NKAIN2: variants seen among roughly 807,000 people sequenced by gnomAD.
NKAIN2 encodes sodium/potassium-transporting ATPase subunit beta-1-interacting protein 2.
A neutral mutation model predicts 32.6 loss-of-function variants in NKAIN2; 14 were observed. The ratio of observed to expected loss-of-function variants is 0.43; its 90% CI spans 0.28 to 0.67. The LOEUF is 0.67. Among genes scored for constraint, NKAIN2 ranks in the 30% least tolerant of loss-of-function variants. NKAIN2 has a pLI of 0.17. For missense variants in NKAIN2, 198 were observed against 258.3 expected (o/e 0.77, Z 1.60); for synonymous variants, 80 against 87.2 (o/e 0.92, Z 0.46).
intron 4 of NKAIN2, among the ~76,000 whole-genome samples, chr6:124,742,385 T>C (rs1389274081): frequency 6.6e-6 from 1 of 151,720 alleles, no homozygotes; most frequent in African/African-American, 2.4e-5. Flanking sequence ...CATCTTCTCC[T>C]GCCAATGGAC....
chr6:124,754,897 A>G (rs1322294183), intron 4 of NKAIN2, among the ~76,000 whole-genome samples: 2 of 152,190 alleles, frequency 1.3e-5, no homozygotes, highest in African/African-American at 4.8e-5. Flanking sequence ...ATGCCCATCA[A>G]TGATAGAGTG....
intron 3 of NKAIN2, among the ~76,000 whole-genome samples, chr6:124,389,171 T>C (rs1205048054): frequency 6.6e-6 from 1 of 152,092 alleles, no homozygotes; most frequent in East Asian, 1.9e-4. Flanking sequence ...GGTTCAGTAT[T>C]CACTAATTCA....
chr6:124,179,653 C>T (rs2114536652), intron 1 of NKAIN2, among the ~76,000 whole-genome samples: 1 of 152,304 alleles, frequency 6.6e-6, no homozygotes, highest in Admixed American at 6.5e-5. Context: ...GCATCTGCTC[C>T]ATTTCACCCA....
At chr6:124,225,229 ACT>A (rs776701081) in intron 1 of NKAIN2, among the ~76,000 whole-genome samples, 1 of 152,120 alleles carries the variant, frequency 6.6e-6, no homozygotes, top group Non-Finnish European at 1.5e-5. Flanking sequence ...TGATGAATTT[ACT>A]TCAATGGACC....
chr6:124,107,502 C>A (rs1785178720), intron 1 of NKAIN2, among the ~76,000 whole-genome samples: 1 of 152,080 alleles, frequency 6.6e-6, no homozygotes, highest in Non-Finnish European at 1.5e-5. Context: ...ATTATTCATA[C>A]TGTGTACCAG....
At chr6:124,297,880 T>A (rs1448587042) in intron 2 of NKAIN2, among the ~76,000 whole-genome samples, 4 of 152,114 alleles carry the variant, frequency 2.6e-5, no homozygotes, top group Non-Finnish European at 5.9e-5. Context: ...AATCTGAGGC[T>A]AAAAACCTGA....
chr6:124,232,057 A>G, intron 1 of NKAIN2, among the ~76,000 whole-genome samples: 1 of 152,152 alleles, frequency 6.6e-6, no homozygotes, highest in Non-Finnish European at 1.5e-5. Context: ...TGACTTACAC[A>G]AGATCTCACA....
chr6:123,855,743 A>G (rs951218744), intron 1 of NKAIN2, among the ~76,000 whole-genome samples: 1 of 152,222 alleles, frequency 6.6e-6, no homozygotes, highest in Admixed American at 6.5e-5. Context: ...TATCCTGCAT[A>G]TAAAAATTGC....
chr6:124,045,565 C>A (rs896496268), intron 1 of NKAIN2, among the ~76,000 whole-genome samples: 1 of 151,960 alleles, frequency 6.6e-6, no homozygotes, highest in Non-Finnish European at 1.5e-5. Flanking sequence ...TATGAAAGAT[C>A]AGTGAAATCC....
intron 3 of NKAIN2, among the ~76,000 whole-genome samples, chr6:124,410,084 TTTC>T (rs907566350): frequency 4.2e-4 from 64 of 152,298 alleles, no homozygotes; most frequent in African/African-American, 1.5e-3. Flanking sequence ...TCTTCTCTCT[TTTC>T]TTCTTTATTA....
At chr6:124,459,331 G>A (rs1169215537) in intron 3 of NKAIN2, among the ~76,000 whole-genome samples, 2 of 151,840 alleles carry the variant, frequency 1.3e-5, no homozygotes, top group East Asian at 3.9e-4. Context: ...GCAACTTGCT[G>A]ATGCATTGTA....
At chr6:124,245,319 ATATT>A (rs1330051115) in intron 1 of NKAIN2, among the ~76,000 whole-genome samples, 1 of 152,116 alleles carries the variant, frequency 6.6e-6, no homozygotes, top group Non-Finnish European at 1.5e-5. Flanking sequence ...AGCTTAGTGA[ATATT>A]TAAAGAATCC....
intron 2 of NKAIN2, among the ~76,000 whole-genome samples, chr6:124,300,760 C>A (rs1023260124): frequency 2.0e-5 from 3 of 152,102 alleles, no homozygotes; most frequent in Non-Finnish European, 4.4e-5. Flanking sequence ...GCAAAGACAC[C>A]ACTGGCATTT....
At position 124,672,086 on chromosome 6, in the gene NKAIN2, C is replaced by T. The variant is rs530526638; in HGVS notation, c.474+13700C>T. ...TAGAATGCCATTCTTAAGTCTTCTA[C>T]CACTTACTAGATTGTTAGTCTGGGG... On this transcript the variant is annotated intron_variant, in intron 4 of 6. Transcript: ENST00000368417. Among the ~76,000 whole-genome samples, 30 of 152,074 alleles carry T rather than the reference C, an allele frequency of 2.0e-4. No individual in the cohort carries two copies. The South Asian group carries it at 3.5e-3, about 18-fold the overall frequency.
intron 4 of NKAIN2, among the ~76,000 whole-genome samples, chr6:124,763,560 C>T (rs942586019): frequency 2.0e-5 from 3 of 152,194 alleles, no homozygotes; most frequent in African/African-American, 7.2e-5. Context: ...CATCTCCCAC[C>T]AGGCCCCACC....
chr6:124,641,115 G>A (rs1783970560), intron 3 of NKAIN2, among the ~76,000 whole-genome samples: 1 of 152,130 alleles, frequency 6.6e-6, no homozygotes, highest in African/African-American at 2.4e-5. Context: ...CATATAAAGA[G>A]GTACCAGGTC....
At chr6:124,678,796 C>G (rs1396937694) in intron 4 of NKAIN2, among the ~76,000 whole-genome samples, 1 of 152,136 alleles carries the variant, frequency 6.6e-6, no homozygotes, top group Non-Finnish European at 1.5e-5. Context: ...ACACATTTGT[C>G]AAAGTAGCCA....
chr6:123,878,803 G>A (rs573150333), intron 1 of NKAIN2, among the ~76,000 whole-genome samples: 2 of 151,880 alleles, frequency 1.3e-5, no homozygotes, highest in East Asian at 3.9e-4. Flanking sequence ...TCTCTCCACT[G>A]CCTCTCCTTC....
intron 5 of NKAIN2, among the ~76,000 whole-genome samples, chr6:124,800,614 T>C (rs1396623484): frequency 6.6e-6 from 1 of 152,226 alleles, no homozygotes; most frequent in Non-Finnish European, 1.5e-5. Context: ...AAGTTTAATT[T>C]CCTTTGGTGC....
Sources: gnomAD v4.1 joint callset for allele counts (sites outside exome capture counted in the v4.1 genomes callset) on GRCh38, gnomAD v4.1.1 for gene constraint, MANE v1.5 for transcripts, NCBI Gene and HGNC (gene_info 2026-07-23, HGNC 2026-07-21) for gene names.